Variants in SRGAP3 observed in about 807,000 individuals in gnomAD.
SRGAP3 encodes SLIT-ROBO Rho GTPase activating protein 3.
In SRGAP3, 39 loss-of-function variants were observed where a neutral mutation model predicts 121.1. That is an observed-to-expected ratio of 0.32 (90% CI 0.25 to 0.42). The LOEUF (loss-of-function observed/expected upper bound fraction) is 0.42. SRGAP3 is among the 10% of genes least tolerant of loss of function. SRGAP3 has a pLI of 1.00. For missense variants in SRGAP3, 1,213 were observed against 1,470.6 expected (o/e 0.82, Z 2.86); for synonymous variants, 601 against 570.0 (o/e 1.05, Z -0.77).
At chr3:9,329,040 A>G (rs571751761) in intron 2 of SRGAP3, among the ~76,000 whole-genome samples, 1 of 152,104 alleles carries the variant, frequency 6.6e-6, no homozygotes, top group Non-Finnish European at 1.5e-5. Flanking sequence ...GCAGTTTGTT[A>G]TGGAACAGCT....
At chr3:9,220,058 G>A (rs1344006026) in intron 1 of SRGAP3, among the ~76,000 whole-genome samples, 1 of 152,094 alleles carries the variant, frequency 6.6e-6, no homozygotes, top group African/African-American at 2.4e-5. Flanking sequence ...GAGGAAGAGA[G>A]GTTGGTTAAT....
intron 3 of SRGAP3, among the ~76,000 whole-genome samples, chr3:9,260,264 G>A (rs146917749): frequency 2.6e-4 from 40 of 152,108 alleles, no homozygotes; most frequent in African/African-American, 8.4e-4. Context: ...AGTTTTTTTC[G>A]TACCCCAGTG....
intron 1 of SRGAP3, among the ~76,000 whole-genome samples, chr3:9,242,398 G>T (rs907214871): frequency 4.6e-5 from 7 of 152,246 alleles, no homozygotes; most frequent in African/African-American, 1.7e-4. Context: ...ATTTTGGGAG[G>T]CCGAGGCGGG....
intron 9 of SRGAP3, among the ~76,000 whole-genome samples, chr3:9,052,425 G>C (rs1290027983): frequency 1.3e-5 from 2 of 152,166 alleles, no homozygotes; most frequent in African/African-American, 4.8e-5. Context: ...CCCTGGTCAG[G>C]GATGTGGCTG....
At chr3:8,991,905 A>G (rs1942074791) in intron 20 of SRGAP3, among the ~76,000 whole-genome samples, 1 of 152,136 alleles carries the variant, frequency 6.6e-6, no homozygotes, top group South Asian at 2.1e-4. Context: ...AACAAGAACA[A>G]AGGAGGTGAG....
In SRGAP3 at chr3:9,286,983, ACT is replaced by A. The variant is rs1954787544; in HGVS notation, n.442+39025_442+39026del. ...TCGTTTGCCTTGTCCACACACTGACACTCTTTTTTTTTTTTTTTTTTTTTTTG... is the reference window on the plus strand; with the variant it reads ...TCGTTTGCCTTGTCCACACACTGACACTTTTTTTTTTTTTTTTTTTTTTTG... On this transcript the variant is annotated intron_variant and non_coding_transcript_variant, in intron 3 of 3. Coordinates refer to the SRGAP3 transcript ENST00000490889. 8.0e-5 allele frequency among the ~76,000 whole-genome samples: 7 copies of A among 87,714 alleles called. No individual in the cohort carries two copies. In the South Asian group the frequency reaches 2.3e-3, roughly 29 times the overall value. 57.5% of individuals were successfully genotyped at this position (87,714 alleles called of 152,430 possible). A position where few individuals can be genotyped will look rare whatever the true frequency, so the allele number is the denominator to read the frequency against.
At position 9,323,116 on chromosome 3, in the gene SRGAP3, T is replaced by C. The variant is rs576896207; in HGVS notation, n.442+2894A>G. On this transcript the variant is annotated intron_variant and non_coding_transcript_variant, in intron 3 of 3. Coordinates refer to the SRGAP3 transcript ENST00000490889. Reference sequence around the variant, plus strand: ...CTGTATGTCCAAAATATGACATTCTTGGAAAAAAAGAAAACTACTGTGGTG... The same window carrying C: ...CTGTATGTCCAAAATATGACATTCTCGGAAAAAAAGAAAACTACTGTGGTG... Among the ~76,000 whole-genome samples, 55 of 151,868 alleles carry C rather than the reference T, an allele frequency of 3.6e-4. 1 individual carries two copies. Among genetic ancestry groups the C allele is most frequent in the African/African-American group, 1.2e-3 (48 of 41,534 alleles).
intron 1 of SRGAP3, among the ~76,000 whole-genome samples, chr3:9,202,863 C>T (rs1309761299): frequency 6.6e-6 from 1 of 152,266 alleles, no homozygotes; most frequent in Non-Finnish European, 1.5e-5. Context: ...CCAGAACATG[C>T]TCTAGGCTGA....
At chr3:9,099,622 C>G (rs958925645) in intron 3 of SRGAP3, among the ~76,000 whole-genome samples, 7 of 152,192 alleles carry the variant, frequency 4.6e-5, no homozygotes, top group Admixed American at 4.6e-4. Context: ...GCCTCAGTTT[C>G]CTCATCTGTG....
chr3:9,330,779 T>C (rs1223339510), intron 1 of SRGAP3, among the ~76,000 whole-genome samples: 3 of 152,096 alleles, frequency 2.0e-5, no homozygotes, highest in African/African-American at 7.2e-5. Flanking sequence ...AGAAGTGAGG[T>C]ACAGAAACAG....
intron 3 of SRGAP3, among the ~76,000 whole-genome samples, chr3:9,268,469 C>T (rs909661990): frequency 6.6e-6 from 1 of 152,104 alleles, no homozygotes; most frequent in Non-Finnish European, 1.5e-5. Flanking sequence ...AAAGTTGTAA[C>T]AAAAGAAATG....
In SRGAP3 at chr3:9,067,441, C is replaced by T. The variant is rs373404188; in HGVS notation, c.487-2860G>A. Among the ~76,000 whole-genome samples, 10 of 152,034 alleles carry T rather than the reference C, an allele frequency of 6.6e-5. No homozygotes were observed. In the East Asian group the frequency reaches 1.6e-3, roughly 24 times the overall value. On this transcript the variant is annotated intron_variant, in intron 4 of 21. Coordinates refer to ENST00000383836, the MANE Select transcript of SRGAP3 (RefSeq NM_014850.4). ...GATCTCCCTAAGACTCCAAAAAACC[C>T]CCTTCTTGCTGATTTCATCCTCTGT...
intron 2 of SRGAP3, among the ~76,000 whole-genome samples, chr3:9,123,084 G>T (rs549722939): frequency 1.3e-5 from 2 of 152,300 alleles, no homozygotes; most frequent in Admixed American, 1.3e-4. Flanking sequence ...CAGTCACAAA[G>T]AGACAAATAT....
chr3:9,042,246 G>A (rs1574963926), intron 10 of SRGAP3, among the ~76,000 whole-genome samples: 2 of 152,208 alleles, frequency 1.3e-5, no homozygotes, highest in South Asian at 4.2e-4. Flanking sequence ...TTGTGTGTAT[G>A]TGTGTACTAA....
At chr3:9,307,038 T>C (rs1955171822) in intron 3 of SRGAP3, among the ~76,000 whole-genome samples, 1 of 152,198 alleles carries the variant, frequency 6.6e-6, no homozygotes, top group Non-Finnish European at 1.5e-5. Flanking sequence ...AGTGGTGCAA[T>C]CATGGCTTAC....
At chr3:9,321,394 T>C (rs891832479) in intron 3 of SRGAP3, among the ~76,000 whole-genome samples, 1 of 151,906 alleles carries the variant, frequency 6.6e-6, no homozygotes, top group African/African-American at 2.4e-5. Flanking sequence ...GTTTGTTATA[T>C]AGCAATAGAT....
chr3:9,267,795 G>C lies in SRGAP3; in HGVS notation n.442+58215C>G, dbSNP rs56268045. Among the ~76,000 whole-genome samples the C allele has an allele frequency of 4.2e-3, 632 of 152,202 alleles. 2 individuals are homozygous for C. Among genetic ancestry groups the C allele is most frequent in the African/African-American group, 0.015 (614 of 41,504 alleles). On this transcript the variant is annotated intron_variant and non_coding_transcript_variant, in intron 3 of 3. Coordinates refer to the SRGAP3 transcript ENST00000490889. Reference sequence around the variant, plus strand: ...ACAACAGCCAAGCTTCTGAGTATCAGGTACCCTAAAAATTATAATAATGGG... The same window carrying C: ...ACAACAGCCAAGCTTCTGAGTATCACGTACCCTAAAAATTATAATAATGGG...
chr3:9,290,527 C>T (rs17801823), intron 3 of SRGAP3, among the ~76,000 whole-genome samples: 36,985 of 151,976 alleles, frequency 0.24, 5,681 homozygotes, highest in Admixed American at 0.38. Context: ...AATGGAGGGA[C>T]TTCCAAATTC....
At chr3:9,318,934 C>T (rs1955396954) in intron 3 of SRGAP3, among the ~76,000 whole-genome samples, 1 of 151,548 alleles carries the variant, frequency 6.6e-6, no homozygotes, top group African/African-American at 2.4e-5. Context: ...CAGGAAGATC[C>T]TTATTTTGTT....
Sources: allele counts gnomAD v4.1 joint callset (sites outside exome capture counted in the v4.1 genomes callset), GRCh38; gene constraint gnomAD v4.1.1; transcripts MANE v1.5; gene names NCBI Gene and HGNC (gene_info 2026-07-23, HGNC 2026-07-21).